Variants in PLD1 observed in about 807,000 individuals in gnomAD.
PLD1 encodes phospholipase D1, also known as choline phosphatase 1.
Under a neutral mutation model 137.1 loss-of-function variants are expected in PLD1, and 112 were observed. The observed-to-expected ratio is 0.82, with a 90% CI of 0.70 to 0.96. The LOEUF (loss-of-function observed/expected upper bound fraction) is 0.96, where lower values mean the gene tolerates loss of function less well. PLD1 is among the 40% of genes least tolerant of loss of function. The probability of loss-of-function intolerance (pLI) is 0.00; values close to 1 mark genes in which losing one functional copy is unlikely to be tolerated. For missense variants in PLD1, 1,321 were observed against 1,342.0 expected (o/e 0.98, Z 0.24); for synonymous variants, 431 against 454.7 (o/e 0.95, Z 0.66).
chr3:171,710,940 C>G (rs1358084683), intron 9 of PLD1, among the ~76,000 whole-genome samples: 1 of 135,382 alleles, frequency 7.4e-6, no homozygotes, highest in Non-Finnish European at 1.5e-5. Context: ...ATGGCGCTAT[C>G]TTGGCTCACT....
At chr3:171,623,481 A>AT (rs5854440) in intron 23 of PLD1, among the ~76,000 whole-genome samples, 13 of 146,052 alleles carry the variant, frequency 8.9e-5, no homozygotes, top group South Asian at 2.2e-4. Flanking sequence ...CGCCTTGCTA[A>AT]TTTTTTTTTT....
In PLD1 at chr3:171,662,110, C is replaced by T. The variant is rs987473173; in HGVS notation, c.2290G>A (p.Ala764Thr). 16 of 1,613,390 alleles carry T rather than the reference C, an allele frequency of 9.9e-6. No individual in the cohort carries two copies. Among genetic ancestry groups the T allele is most frequent in the South Asian group, 3.3e-5 (3 of 91,042 alleles). Residue 764 changes from alanine to threonine, a missense_variant, in exon 20 of 27, where the codon GCC (alanine) becomes ACC (threonine). Coordinates refer to ENST00000351298, the MANE Select transcript of PLD1 (RefSeq NM_002662.5). ...TTCTCTATCACATGGACGTAAGCGG[C>T]GTGGATGGACTCTTCATGGTACTTT... ...GIKYHEESIH[A>T]AYVHVIENSR...
chr3:171,645,098 T>C, intron 21 of PLD1, 75 bp from the exon 22 acceptor site: 1 of 932,194 alleles, frequency 1.1e-6, no homozygotes, highest in East Asian at 2.4e-5. Flanking sequence ...AGCCAAGCAG[T>C]TCACATGGTT....
At chr3:171,731,318 C>G (rs1405682648) in intron 6 of PLD1, among the ~76,000 whole-genome samples, 1 of 152,084 alleles carries the variant, frequency 6.6e-6, no homozygotes, top group Non-Finnish European at 1.5e-5. Flanking sequence ...CATGTAAATT[C>G]CAATCTCATT....
intron 24 of PLD1, among the ~76,000 whole-genome samples, chr3:171,619,407 G>A (rs1247787536): frequency 6.6e-6 from 1 of 152,172 alleles, no homozygotes; most frequent in Non-Finnish European, 1.5e-5. Context: ...TCCTGAATTT[G>A]TCAGTGGGAA....
intron 13 of PLD1, among the ~76,000 whole-genome samples, chr3:171,689,676 T>G (rs921625454): frequency 6.6e-6 from 1 of 152,120 alleles, no homozygotes; most frequent in African/African-American, 2.4e-5. Context: ...AATCTTTTTG[T>G]TTTTTGTAGA....
chr3:171,783,768 G>A (rs7650572), intron 1 of PLD1, among the ~76,000 whole-genome samples: 117,490 of 151,892 alleles, frequency 0.77, 46,219 homozygotes, highest in Middle Eastern at 0.9. Flanking sequence ...TCATCCTCCC[G>A]AGTAGCTGGG....
intron 21 of PLD1, among the ~76,000 whole-genome samples, chr3:171,647,691 C>T (rs1032362826): frequency 5.3e-5 from 8 of 152,064 alleles, no homozygotes; most frequent in East Asian, 1.9e-4. Flanking sequence ...TCAGGTGATC[C>T]GCCTCGGCCT....
At chr3:171,663,944 A>G (rs1183576121) in intron 19 of PLD1, among the ~76,000 whole-genome samples, 1 of 152,210 alleles carries the variant, frequency 6.6e-6, no homozygotes, top group African/African-American at 2.4e-5. Context: ...CAAATCAATA[A>G]CTTTAAAATT....
At chr3:171,765,965 T>C (rs1314689400) in intron 1 of PLD1, among the ~76,000 whole-genome samples, 1 of 152,178 alleles carries the variant, frequency 6.6e-6, no homozygotes, top group Non-Finnish European at 1.5e-5. Context: ...AAAACCTAAC[T>C]GAAATTTTAA....
At chr3:171,645,076 AT>A in intron 21 of PLD1, 53 bp from the exon 22 acceptor site, 1 of 1,127,436 alleles carries the variant, frequency 8.9e-7, no homozygotes, top group Non-Finnish European at 1.4e-6. Context: ...GGTAGTATCA[AT>A]TTTAGATGAC....
In PLD1 at chr3:171,615,235, T is replaced by C. The variant is rs947320158; in HGVS notation, c.2729-2803A>G. 2.6e-5 allele frequency among the ~76,000 whole-genome samples: 4 copies of C among 152,330 alleles called. No individual in the cohort carries two copies. The South Asian group carries it at 6.2e-4, about 24-fold the overall frequency. On this transcript the variant is annotated intron_variant, in intron 24 of 26. Transcript: ENST00000351298. ...ATCTAGAAAGATACACACTGAACTG[T>C]TAACAATAGTAGGTGCTTTTCAGTG... is the stretch of plus-strand genomic sequence containing the variant.
At chr3:171,675,607 T>G (rs894723452) in intron 18 of PLD1, among the ~76,000 whole-genome samples, 1 of 152,198 alleles carries the variant, frequency 6.6e-6, no homozygotes, top group African/African-American at 2.4e-5. Context: ...TTTGCCAGTA[T>G]AGCAGGTTAA....
intron 13 of PLD1, among the ~76,000 whole-genome samples, chr3:171,690,925 T>C (rs1442132964): frequency 6.6e-6 from 1 of 152,232 alleles, no homozygotes; most frequent in Non-Finnish European, 1.5e-5. Flanking sequence ...GAGTGAGATG[T>C]TGAAGTCTCC....
chr3:171,679,849 A>C (rs1713774848), intron 16 of PLD1, among the ~76,000 whole-genome samples: 1 of 152,254 alleles, frequency 6.6e-6, no homozygotes, highest in African/African-American at 2.4e-5. Flanking sequence ...TGAAAACAGT[A>C]GCTCAGAATT....
At chr3:171,737,690 A>G (rs775731120) in intron 2 of PLD1, 31 bp from the exon 3 acceptor site, 60 of 1,438,934 alleles carry the variant, frequency 4.2e-5, no homozygotes, top group Non-Finnish European at 5.2e-5. Context: ...AGTTAATGCA[A>G]TATATGATTA....
intron 21 of PLD1, among the ~76,000 whole-genome samples, chr3:171,656,460 C>T (rs565439131): frequency 6.6e-6 from 1 of 152,238 alleles, no homozygotes; most frequent in South Asian, 2.1e-4. Context: ...CGTGAGCCAC[C>T]ATGCCCAGCC....
At position 171,660,754 on chromosome 3, in the gene PLD1, C is replaced by T. The variant is rs146625261; in HGVS notation, c.2340+1306G>A. 7.6e-3 allele frequency among the ~76,000 whole-genome samples: 1,161 copies of T among 152,014 alleles called. 10 individuals carry two copies. The highest frequency in any genetic ancestry group is 0.027 in the African/African-American group (1,107 of 41,466). On this transcript the variant is annotated intron_variant, in intron 20 of 26. Coordinates refer to ENST00000351298, the MANE Select transcript of PLD1 (RefSeq NM_002662.5). ...CCAAGTAGTTGGGATTACAGGTGCC[C>T]GCCACCATGCCCGGCTAATTTTTTT...
chr3:171,785,119 TC>T (rs1722955054), intron 1 of PLD1, among the ~76,000 whole-genome samples: 1 of 152,204 alleles, frequency 6.6e-6, no homozygotes, highest in African/African-American at 2.4e-5. Flanking sequence ...TGCCAAAGTA[TC>T]CTTTGAAATG....
Sources: allele counts gnomAD v4.1 joint callset (sites outside exome capture counted in the v4.1 genomes callset), GRCh38; gene constraint gnomAD v4.1.1; transcripts MANE v1.5; gene names NCBI Gene and HGNC (gene_info 2026-07-23, HGNC 2026-07-21).